The following HYAL4 variants were observed in gnomAD, a reference collection of about 807,000 sequenced individuals.
HYAL4 encodes hyaluronidase-4.
In HYAL4, 37 loss-of-function variants were observed where a neutral mutation model predicts 35.2. The observed-to-expected ratio is 1.05, with a 90% CI of 0.81 to 1.38. The LOEUF (loss-of-function observed/expected upper bound fraction) is 1.38. HYAL4 is among the 40% of genes most tolerant of loss of function. The probability of loss-of-function intolerance (pLI) is 0.00; values close to 1 mark genes in which losing one functional copy is unlikely to be tolerated. For synonymous variants in HYAL4, 198 were observed against 203.2 expected (o/e 0.97, Z 0.22); for missense variants, 572 against 572.4 (o/e 1.00, Z 0.01).
At chr7:123,785,914 A>G in the HYAL4 span, among the ~76,000 whole-genome samples, 2 of 152,068 alleles carry the variant, frequency 1.3e-5, no homozygotes, top group African/African-American at 4.8e-5. The surrounding 1 kb of genome is among the most constrained non-coding windows in gnomAD (Gnocchi z 4.5). Flanking sequence ...CTTTCCTGGC[A>G]AAAGAAGCAA....
In HYAL4 at chr7:123,833,617, T is replaced by C. The variant is rs1805917796; in HGVS notation, c.-257+4493T>C. Among the ~76,000 whole-genome samples the C allele has an allele frequency of 2.0e-5, 3 of 152,178 alleles. No homozygotes were observed. The South Asian group carries it at 6.2e-4, about 32-fold the overall frequency. Reference sequence around the variant, plus strand: ...CACCTATTTATCTTTGTTTTTTTCATGCATTTGCTTTTGAGTTCTTGGTCA... The same window carrying C: ...CACCTATTTATCTTTGTTTTTTTCACGCATTTGCTTTTGAGTTCTTGGTCA... On this transcript the variant is annotated intron_variant, in intron 1 of 4. Coordinates refer to the HYAL4 transcript ENST00000489978.
At chr7:123,815,836 A>G in the HYAL4 span, among the ~76,000 whole-genome samples, 1 of 152,230 alleles carries the variant, frequency 6.6e-6, no homozygotes, top group Non-Finnish European at 1.5e-5. Context: ...TTGTATGGAC[A>G]ATACACAGCT....
intron 1 of HYAL4, among the ~76,000 whole-genome samples, chr7:123,835,179 G>C (rs1266746588): frequency 6.6e-6 from 1 of 151,940 alleles, no homozygotes; most frequent in East Asian, 1.9e-4. Context: ...TGACTATCTT[G>C]TAGAATTCAG....
At chr7:123,790,025 A>T in the HYAL4 span, among the ~76,000 whole-genome samples, 16 of 152,242 alleles carry the variant, frequency 1.1e-4, no homozygotes, top group Admixed American at 6.5e-4. Flanking sequence ...GCAGGTGTTT[A>T]TCTCACAGTC....
the HYAL4 span, among the ~76,000 whole-genome samples, chr7:123,817,656 G>A: frequency 6.0e-5 from 9 of 149,506 alleles, no homozygotes; most frequent in South Asian, 2.1e-4. Context: ...GATTACAGGC[G>A]TGTGCCACCA....
chr7:123,770,332 C>A, the HYAL4 span, among the ~76,000 whole-genome samples: 1 of 151,562 alleles, frequency 6.6e-6, no homozygotes, highest in African/African-American at 2.4e-5. Flanking sequence ...GTCCCAGCTG[C>A]TTGGGAGGCT....
At chr7:123,814,035 A>G in the HYAL4 span, 1 of 152,184 alleles carries the variant, frequency 6.6e-6, no homozygotes, top group African/African-American at 2.4e-5. Context: ...TATTTGGTCT[A>G]TTCATTGTAT....
At chr7:123,848,297 G>A (rs1215894497) in intron 2 of HYAL4, 139 bp downstream of exon 2, 1 of 152,124 alleles carries the variant, frequency 6.6e-6, no homozygotes, top group Non-Finnish European at 1.5e-5. Context: ...ATTTTCAAAT[G>A]CATTACCTTT....
the HYAL4 span, among the ~76,000 whole-genome samples, chr7:123,776,094 A>C: frequency 4.6e-5 from 7 of 152,248 alleles, no homozygotes; most frequent in Non-Finnish European, 1.0e-4. Flanking sequence ...TGTCTACTGC[A>C]TAAAGTAAGA....
chr7:123,831,609 G>A (rs994802045), intron 1 of HYAL4, among the ~76,000 whole-genome samples: 5 of 151,972 alleles, frequency 3.3e-5, no homozygotes, highest in African/African-American at 1.2e-4. Flanking sequence ...TGTTCCCTTT[G>A]TTAATTTCCT....
chr7:123,860,023 G>A (rs1806543054), intron 2 of HYAL4, among the ~76,000 whole-genome samples: 1 of 152,146 alleles, frequency 6.6e-6, no homozygotes, highest in South Asian at 2.1e-4. Context: ...ATCCCCATGT[G>A]TGGAGGGAGG....
At chr7:123,776,090 C>T in the HYAL4 span, among the ~76,000 whole-genome samples, 1 of 152,212 alleles carries the variant, frequency 6.6e-6, no homozygotes, top group Non-Finnish European at 1.5e-5. Context: ...AAAATGTCTA[C>T]TGCATAAAGT....
upstream of HYAL4, among the ~76,000 whole-genome samples, chr7:123,825,054 A>G (rs1584905525): frequency 6.6e-6 from 1 of 152,048 alleles, no homozygotes; most frequent in Non-Finnish European, 1.5e-5. Flanking sequence ...AAATGTCTCT[A>G]ACTCCTTAGT....
At chr7:123,769,375 TAGAG>T in the HYAL4 span, among the ~76,000 whole-genome samples, 6 of 152,194 alleles carry the variant, frequency 3.9e-5, no homozygotes, top group Admixed American at 3.3e-4. Context: ...CTGTACCTGT[TAGAG>T]AGAGGGGAAG....
the HYAL4 span, among the ~76,000 whole-genome samples, chr7:123,797,470 G>A: frequency 6.6e-6 from 1 of 152,132 alleles, no homozygotes; most frequent in Non-Finnish European, 1.5e-5. Context: ...TAAGTAAATG[G>A]GACCCAGATA....
the HYAL4 span, among the ~76,000 whole-genome samples, chr7:123,817,112 G>C: frequency 6.6e-6 from 1 of 152,112 alleles, no homozygotes; most frequent in Non-Finnish European, 1.5e-5. Flanking sequence ...CTGGATCTCT[G>C]ACTCTCCATA....
intron 2 of HYAL4, among the ~76,000 whole-genome samples, chr7:123,849,303 C>T (rs1165568821): frequency 4.0e-5 from 6 of 151,792 alleles, no homozygotes; most frequent in Non-Finnish European, 5.9e-5. Flanking sequence ...CTCTCTCTTT[C>T]TCTTTCTCTC....
At chr7:123,786,460 G>A in the HYAL4 span, among the ~76,000 whole-genome samples, 5 of 150,480 alleles carry the variant, frequency 3.3e-5, no homozygotes, top group Non-Finnish European at 5.9e-5. Flanking sequence ...TCTTTTCTCT[G>A]TTATTTCCCT....
upstream of HYAL4, among the ~76,000 whole-genome samples, chr7:123,842,755 C>T (rs142858389): frequency 0.036 from 5,537 of 151,994 alleles, 170 homozygotes; most frequent in Non-Finnish European, 0.056. Context: ...TATGTAATGG[C>T]GTTCTTTGTC....
Sources: allele counts gnomAD v4.1 joint callset (sites outside exome capture counted in the v4.1 genomes callset), GRCh38; gene constraint gnomAD v4.1.1; non-coding constraint Gnocchi (gnomAD v3.1); transcripts MANE v1.5; gene names NCBI Gene and HGNC (gene_info 2026-07-23, HGNC 2026-07-21).